Variants in SPTBN1 observed in about 807,000 individuals in gnomAD.
The protein encoded by SPTBN1 is spectrin beta chain, non-erythrocytic 1.
Under a neutral mutation model 266.4 loss-of-function variants are expected in SPTBN1, and 32 were observed. That is an observed-to-expected ratio of 0.12 (90% CI 0.09 to 0.16). The LOEUF is 0.16. Ranked by LOEUF, SPTBN1 falls within the 10% of genes least tolerant of loss-of-function variation. The pLI, the probability that SPTBN1 is intolerant of heterozygous loss-of-function variation, is 1.00. For synonymous variants in SPTBN1, 1,336 were observed against 1,162.2 expected (o/e 1.15, Z -3.04); for missense variants, 2,296 against 3,067.1 (o/e 0.75, Z 5.94).
At chr2:54,471,800 A>ATTTTTTTTTTTTTTTTTTT (rs56043354) in intron 1 of SPTBN1, among the ~76,000 whole-genome samples, 9 of 102,718 alleles carry the variant, frequency 8.8e-5, no homozygotes, top group Non-Finnish European at 1.7e-4. Context: ...TTTTTTATCG[A>ATTTTTTTTTTTTTTTTTTT]TTTTTTTTTT....
chr2:54,624,071 TAGAA>T (rs1393729990), intron 10 of SPTBN1, among the ~76,000 whole-genome samples: 1 of 152,238 alleles, frequency 6.6e-6, no homozygotes, highest in Admixed American at 6.5e-5. Flanking sequence ...TATTTCCAAC[TAGAA>T]AGAAATTTGA....
chr2:54,658,954 A>G (rs892708555), intron 30 of SPTBN1, among the ~76,000 whole-genome samples, 200 bp from the exon 31 acceptor site: 5 of 152,170 alleles, frequency 3.3e-5, no homozygotes, highest in African/African-American at 9.7e-5. Context: ...AGCCCATGGA[A>G]TAGACTATTT....
intron 2 of SPTBN1, among the ~76,000 whole-genome samples, chr2:54,560,215 G>C (rs1673198458): frequency 6.6e-6 from 1 of 150,798 alleles, no homozygotes; most frequent in Admixed American, 6.6e-5. Flanking sequence ...ATCTAGGTTT[G>C]TTAGGGGCCT....
intron 1 of SPTBN1, among the ~76,000 whole-genome samples, chr2:54,524,735 C>G (rs943693241): frequency 3.3e-5 from 5 of 152,244 alleles, no homozygotes; most frequent in Admixed American, 3.3e-4. Flanking sequence ...CCTCCCTAAC[C>G]TTGTCTCCGA....
At chr2:54,479,644 G>A (rs1668005286) in intron 1 of SPTBN1, among the ~76,000 whole-genome samples, 1 of 152,118 alleles carries the variant, frequency 6.6e-6, no homozygotes, top group Admixed American at 6.5e-5. Flanking sequence ...TTGGTGTCTT[G>A]GTTTCTTCAC....
At chr2:54,502,543 G>T (rs1669329901) in intron 1 of SPTBN1, among the ~76,000 whole-genome samples, 1 of 152,040 alleles carries the variant, frequency 6.6e-6, no homozygotes, top group African/African-American at 2.4e-5. Context: ...GTGGGGCTGT[G>T]TGTGCATGGG....
chr2:54,602,896 T>C (rs1381722139), intron 3 of SPTBN1, among the ~76,000 whole-genome samples: 1 of 152,222 alleles, frequency 6.6e-6, no homozygotes, highest in East Asian at 1.9e-4. Context: ...CTGGTACATA[T>C]TGTTTATTGA....
At chr2:54,458,753 A>G (rs192495987) in intron 1 of SPTBN1, among the ~76,000 whole-genome samples, 1 of 152,208 alleles carries the variant, frequency 6.6e-6, no homozygotes, top group African/African-American at 2.4e-5. Flanking sequence ...ATATATTTCA[A>G]ATGTCAACCC....
chr2:54,478,519 TTAG>T (rs1573230586), intron 1 of SPTBN1, among the ~76,000 whole-genome samples: 2 of 152,154 alleles, frequency 1.3e-5, no homozygotes, highest in East Asian at 3.9e-4. Flanking sequence ...CCTGTAGATC[TTAG>T]TACATCCACA....
Position 54,666,082 on chromosome 2 carries a change from A to G in SPTBN1, c.6827A>G (p.Lys2276Arg). The change falls in exon 34 of 36, where the codon AAG (lysine) becomes AGG (arginine). Residue 2276 changes from lysine to arginine, a missense_variant. By Grantham distance (26) the Lys-to-Arg change is conservative (BLOSUM62 2). Transcript: ENST00000356805. ...LDYKKKKHVF[K>R]LRLNDGNEYL... ...TACAAAAAGAAGAAACACGTATTCA[A>G]GCTAAGGTGAGAGTCGCCGTGCTTC... 1 of 1,611,098 alleles carries G rather than the reference A, an allele frequency of 6.2e-7. No homozygotes were observed. The highest frequency in any genetic ancestry group is 8.5e-7 in the Non-Finnish European group (1 of 1,178,876).
chr2:54,618,232 C>A, intron 7 of SPTBN1, 39 bp downstream of exon 7: 2 of 1,514,142 alleles, frequency 1.3e-6, no homozygotes, highest in Non-Finnish European at 1.8e-6. Context: ...TTTTTAGCAT[C>A]TGTACCATCC....
At chr2:54,523,363 A>G (rs1052084219) in intron 1 of SPTBN1, among the ~76,000 whole-genome samples, 7 of 152,194 alleles carry the variant, frequency 4.6e-5, no homozygotes, top group East Asian at 1.9e-4. Context: ...GGATTTTTCT[A>G]TTAGAGCAGA....
At chr2:54,467,335 G>A (rs1022623330) in intron 1 of SPTBN1, among the ~76,000 whole-genome samples, 2 of 151,934 alleles carry the variant, frequency 1.3e-5, no homozygotes, top group Admixed American at 1.3e-4. Flanking sequence ...TATTTATTTT[G>A]ATCTGTGATG....
chr2:54,561,587 T>C (rs1360919902), intron 2 of SPTBN1, among the ~76,000 whole-genome samples: 1 of 152,086 alleles, frequency 6.6e-6, no homozygotes, highest in East Asian at 1.9e-4. Flanking sequence ...TGCCATAGAA[T>C]GAGATTTGGA....
chr2:54,659,998 G>T lies in SPTBN1; in HGVS notation c.6419G>T (p.Arg2140Leu), dbSNP rs757199400. The T allele has an allele frequency of 2.5e-6, 4 of 1,614,132 alleles. No individual in the cohort carries two copies. The Admixed American group carries it at 6.7e-5, about 27-fold the overall frequency. The change falls in exon 32 of 36, where the codon CGG (arginine) becomes CTG (leucine). Residue 2140 changes from arginine to leucine, a missense_variant and splice_region_variant. Coordinates refer to ENST00000356805, the MANE Select transcript of SPTBN1 (RefSeq NM_003128.3). ...TTGCCAGCTGAACAGGGATCTCCAC[G>T]GGTTAGTTACCGCTCTCAAACCTAC... ...NGLPAEQGSP[R>L]MAETVDTSEM...
chr2:54,625,112 A>T, intron 11 of SPTBN1, 150 bp downstream of exon 11: 5 of 856,284 alleles, frequency 5.8e-6, no homozygotes, highest in Non-Finnish European at 8.5e-6. Context: ...TCCCATTAAG[A>T]GGATGTTTAT....
chr2:54,556,049 A>G (rs896374226), intron 2 of SPTBN1, among the ~76,000 whole-genome samples: 6 of 152,200 alleles, frequency 3.9e-5, no homozygotes, highest in Non-Finnish European at 8.8e-5. Context: ...GAATCTTCTA[A>G]AACACCTGGC....
chr2:54,616,248 G>A lies in SPTBN1; in HGVS notation c.516G>A (p.Lys172=). The change falls in exon 5 of 36, where the codon AAG becomes AAA. Residue 172 remains lysine (K), a synonymous_variant. Transcript: ENST00000356805. ...ISVETEDNKE[K]KSAKDALLLW... ...TGGAAACTGAAGACAACAAAGAGAA[G>A]AAATCTGCCAAGGATGCATTGCTGT... 1 of 1,614,098 alleles carries A rather than the reference G, an allele frequency of 6.2e-7. No homozygotes were observed. Among genetic ancestry groups the A allele is most frequent in the African/African-American group, 1.3e-5 (1 of 75,064 alleles).
At chr2:54,598,719 G>T (rs1168930438) in intron 2 of SPTBN1, among the ~76,000 whole-genome samples, 1 of 152,190 alleles carries the variant, frequency 6.6e-6, no homozygotes, top group Non-Finnish European at 1.5e-5. Flanking sequence ...AAAGGACCCT[G>T]TTGTCATCTG....
Sources: gnomAD v4.1 joint callset for allele counts (sites outside exome capture counted in the v4.1 genomes callset) on GRCh38, gnomAD v4.1.1 for gene constraint, MANE v1.5 for transcripts, NCBI Gene and HGNC (gene_info 2026-07-23, HGNC 2026-07-21) for gene names.